Variants in DLGAP4 observed in about 807,000 individuals in gnomAD.
DLGAP4 encodes DLG associated protein 4, also known as disks large-associated protein 4.
Under a neutral mutation model 86.9 loss-of-function variants are expected in DLGAP4, and 18 were observed. The ratio of observed to expected loss-of-function variants is 0.21; its 90% CI spans 0.14 to 0.31. DLGAP4 has a LOEUF of 0.31. Among genes scored for constraint, DLGAP4 ranks in the 10% least tolerant of loss-of-function variants. The pLI, the probability that DLGAP4 is intolerant of heterozygous loss-of-function variation, is 1.00. For missense variants in DLGAP4, 1,085 were observed against 1,362.6 expected (o/e 0.80, Z 3.21); for synonymous variants, 548 against 574.3 (o/e 0.95, Z 0.65).
intron 10 of DLGAP4, among the ~76,000 whole-genome samples, chr20:36,513,746 G>A (rs2036870075): frequency 6.6e-6 from 1 of 152,166 alleles, no homozygotes; most frequent in African/African-American, 2.4e-5. Flanking sequence ...AGGATTTCTC[G>A]ACAGATTAGA....
In DLGAP4 at chr20:36,432,802, G is replaced by A. The variant is rs1340805353; in HGVS notation, c.999+86G>A. 2.0e-6 allele frequency: 3 copies of A among 1,510,924 alleles called. No individual in the cohort carries two copies. Among genetic ancestry groups the A allele is most frequent in the African/African-American group, 2.8e-5 (2 of 72,676 alleles). The allele number at this position is 1,510,924 out of a possible 1,614,324, so 93.6% of individuals were successfully genotyped here. A position where few individuals can be genotyped will look rare whatever the true frequency, so the allele number is the denominator to read the frequency against. On this transcript the variant is annotated intron_variant, in intron 3 of 12. Transcript: ENST00000339266. The surrounding 1 kb of genome is among the most constrained non-coding windows in gnomAD (Gnocchi z 6.5). Reference sequence around the variant, plus strand: ...GCCTAGACGTACCACAGATTCACTTGGAAAGTCACTTCATTCTGGGCCTCT... The same window carrying A: ...GCCTAGACGTACCACAGATTCACTTAGAAAGTCACTTCATTCTGGGCCTCT...
At position 36,513,502 on chromosome 20, in the gene DLGAP4, T is replaced by G. The variant is rs193215977; in HGVS notation, c.2513-10748T>G. 7.6e-3 allele frequency among the ~76,000 whole-genome samples: 1,075 copies of G among 140,912 alleles called. 50 individuals are homozygous for G. The highest frequency in any genetic ancestry group is 0.074 in the Admixed American group (971 of 13,056). 92.4% of individuals were successfully genotyped at this position (140,912 alleles called of 152,430 possible). ...AGCGGAGCTTGCAGTGAGCCGAGAT[T>G]GCGCCACTGCAGTCCGCAATCCGGC... On this transcript the variant is annotated intron_variant, in intron 10 of 12. Transcript: ENST00000339266.
chr20:36,365,922 T>C (rs1490080978), intron 1 of DLGAP4, among the ~76,000 whole-genome samples: 1 of 152,164 alleles, frequency 6.6e-6, no homozygotes, highest in Non-Finnish European at 1.5e-5. Flanking sequence ...GGGTTCTGTG[T>C]CCCCACACCA....
At chr20:36,489,984 T>C (rs1450653340) in intron 7 of DLGAP4, among the ~76,000 whole-genome samples, 1 of 149,350 alleles carries the variant, frequency 6.7e-6, no homozygotes, top group Non-Finnish European at 1.5e-5. Flanking sequence ...TCAGCCTCCC[T>C]AGTAGCTGGA....
intron 2 of DLGAP4, among the ~76,000 whole-genome samples, chr20:36,402,902 G>A (rs2032205061): frequency 1.3e-5 from 2 of 152,132 alleles, no homozygotes; most frequent in African/African-American, 4.8e-5. Flanking sequence ...GGGTGTGTTG[G>A]ATTCTGTAGC....
At chr20:36,327,834 G>A (rs1238110403) in intron 1 of DLGAP4, among the ~76,000 whole-genome samples, 21 of 146,712 alleles carry the variant, frequency 1.4e-4, no homozygotes, top group African/African-American at 4.2e-4. Flanking sequence ...CTCGTGATCC[G>A]CCCGCCTCGG....
chr20:36,475,049 G>A (rs529643311), intron 7 of DLGAP4, among the ~76,000 whole-genome samples: 1 of 152,244 alleles, frequency 6.6e-6, no homozygotes, highest in African/African-American at 2.4e-5. Flanking sequence ...GCAGTCAAGG[G>A]CCGACTGGGA....
intron 2 of DLGAP4, among the ~76,000 whole-genome samples, chr20:36,392,139 G>A (rs1240270277): frequency 1.3e-5 from 2 of 152,204 alleles, no homozygotes; most frequent in Non-Finnish European, 2.9e-5. Context: ...GAGCTGGGGG[G>A]CAGGAGCTGT....
chr20:36,508,121 C>G (rs568346543), intron 10 of DLGAP4: 1 of 152,132 alleles, frequency 6.6e-6, no homozygotes, highest in East Asian at 1.9e-4. Context: ...AAGCCCAAGG[C>G]GGGGCTTCAG....
rs1259179537 is a variant in DLGAP4 at position 36,350,424 on chromosome 20, C to T, written c.-303-16621C>T. Among the ~76,000 whole-genome samples, 1 of 152,174 alleles carries T rather than the reference C, an allele frequency of 6.6e-6. No homozygotes were observed. ...GGAGGCCCCTTCTCCATCCCCAGCA[C>T]CTGCCCCATCCTGACTCCGCTGACA... On this transcript the variant is annotated intron_variant, in intron 1 of 12. Transcript: ENST00000339266. This position sits in a 1 kb window ranked among gnomAD's most constrained non-coding sequence, Gnocchi z 4.4.
chr20:36,508,419 GTTCTTTTT>G (rs2036505159), intron 10 of DLGAP4: 2 of 134,608 alleles, frequency 1.5e-5, no homozygotes, highest in African/African-American at 6.0e-5. Context: ...ATGTTTCAGG[GTTCTTTTT>G]TTTTTTTTTT....
rs145931737 is a variant in DLGAP4 at position 36,351,777 on chromosome 20, C to T, written c.-303-15268C>T. ...GCAAGGTCACAGTCTTTGATTTGTT[C>T]GATGGATATTTCCTAAGCAATTACT... On this transcript the variant is annotated intron_variant, in intron 1 of 12. Coordinates refer to ENST00000339266, the MANE Select transcript of DLGAP4 (RefSeq NM_001365621.2). Among the ~76,000 whole-genome samples, 19 of 152,064 alleles carry T rather than the reference C, an allele frequency of 1.2e-4. 1 individual carries two copies. The highest frequency in any genetic ancestry group is 1.2e-3 in the East Asian group (6 of 5,168).
rs1569527323 is a variant in DLGAP4 at position 36,525,250 on chromosome 20, AAAAAC to A, written c.2605-597_2605-593del. 2.1e-3 allele frequency among the ~76,000 whole-genome samples: 138 copies of A among 66,582 alleles called. 20 individuals carry two copies. The highest frequency in any genetic ancestry group is 3.7e-3 in the African/African-American group (103 of 28,142). 43.7% of individuals were successfully genotyped at this position (66,582 alleles called of 152,430 possible). A position where few individuals can be genotyped will look rare whatever the true frequency, so the allele number is the denominator to read the frequency against. On this transcript the variant is annotated intron_variant, in intron 11 of 12. Transcript: ENST00000339266. ...AAAAAAAAAAAAAAAAAAAAAAAAAAAAAACAAAGAAATCCCACTGCTGGGATTGG... is the reference window on the plus strand; with the variant it reads ...AAAAAAAAAAAAAAAAAAAAAAAAAAAAAGAAATCCCACTGCTGGGATTGG...
chr20:36,344,056 GC>G (rs2065411673), intron 1 of DLGAP4, among the ~76,000 whole-genome samples: 1 of 152,184 alleles, frequency 6.6e-6, no homozygotes, highest in Non-Finnish European at 1.5e-5. Context: ...AAAAGTCTGT[GC>G]CGGGAGGTGG....
At chr20:36,478,239 C>T (rs2035032254) in intron 7 of DLGAP4, among the ~76,000 whole-genome samples, 1 of 152,176 alleles carries the variant, frequency 6.6e-6, no homozygotes, top group African/African-American at 2.4e-5. Context: ...CTCCCATTGA[C>T]CCCTGGATAC....
chr20:36,436,234 C>G lies in DLGAP4; in HGVS notation c.1125C>G (p.Asp375Glu). Reference sequence around the variant, plus strand: ...GCAGCTACATCAAGGCCATGGGCGACGAGGACAGCGACGAGTCCGGCGGCA... The same window carrying G: ...GCAGCTACATCAAGGCCATGGGCGAGGAGGACAGCGACGAGTCCGGCGGCA... ...RSGSYIKAMG[D>E]EDSDESGGSP... Residue 375 changes from aspartate to glutamate, a missense_variant, in exon 4 of 13, where the codon GAC becomes GAG. Asp to Glu is a conservative substitution (Grantham distance 45). Around this residue, in one of 2 missense-constraint regions of DLGAP4, gnomAD observed 1,082 missense variants for 1,344.1 expected, o/e 0.81. Transcript: ENST00000339266. 6.2e-7 allele frequency: 1 copy of G among 1,605,572 alleles called. No homozygotes were observed. The highest frequency in any genetic ancestry group is 1.7e-4 in the Middle Eastern group (1 of 6,000).
At chr20:36,323,687 AC>A (rs1468370179) in intron 1 of DLGAP4, among the ~76,000 whole-genome samples, 1 of 152,154 alleles carries the variant, frequency 6.6e-6, no homozygotes, top group East Asian at 1.9e-4. Flanking sequence ...GGGATCCCCA[AC>A]CTTTTTGGCA....
intron 7 of DLGAP4, among the ~76,000 whole-genome samples, chr20:36,450,461 G>A (rs575658428): frequency 6.6e-6 from 1 of 152,110 alleles, no homozygotes; most frequent in Admixed American, 6.5e-5. Flanking sequence ...TCACACTATT[G>A]CACTCCAGCC....
chr20:36,349,967 G>GA (rs1424186321), intron 1 of DLGAP4, among the ~76,000 whole-genome samples: 1 of 152,186 alleles, frequency 6.6e-6, no homozygotes, highest in Admixed American at 6.5e-5. Context: ...TTTCCGCCCT[G>GA]AAGGAGCAGC....
Sources: gnomAD v4.1 joint callset for allele counts (sites outside exome capture counted in the v4.1 genomes callset) on GRCh38, gnomAD v4.1.1 for gene constraint, gnomAD v4.1.1 regional missense constraint, Gnocchi (gnomAD v3.1) non-coding constraint, MANE v1.5 for transcripts, NCBI Gene and HGNC (gene_info 2026-07-23, HGNC 2026-07-21) for gene names.